SLC39A11: variants seen among roughly 807,000 people sequenced by gnomAD.
SLC39A11 encodes the protein zinc transporter ZIP11.
A neutral mutation model predicts 36.1 loss-of-function variants in SLC39A11; 33 were observed. The observed-to-expected ratio is 0.91, with a 90% CI of 0.69 to 1.22. The LOEUF (loss-of-function observed/expected upper bound fraction) is 1.22. SLC39A11 is among the 50% of genes most tolerant of loss of function. SLC39A11 has a pLI of 0.00. For synonymous variants in SLC39A11, 166 were observed against 170.3 expected (o/e 0.97, Z 0.20); for missense variants, 432 against 430.3 (o/e 1.00, Z -0.03).
intron 4 of SLC39A11, among the ~76,000 whole-genome samples, chr17:73,017,068 C>A (rs867549098): frequency 6.6e-6 from 1 of 152,154 alleles, no homozygotes. Context: ...CTTAAAATGA[C>A]CTTACAAGTT....
chr17:72,803,733 A>T (rs576241304), intron 6 of SLC39A11, among the ~76,000 whole-genome samples: 1 of 152,258 alleles, frequency 6.6e-6, no homozygotes, highest in East Asian at 1.9e-4. Flanking sequence ...CCCCTTGATC[A>T]GTATTCGGCA....
chr17:72,967,733 G>A (rs956309001), intron 4 of SLC39A11, among the ~76,000 whole-genome samples: 8 of 152,092 alleles, frequency 5.3e-5, no homozygotes, highest in African/African-American at 9.7e-5. Context: ...CAAAGCATTC[G>A]CACTGTGCAC....
chr17:72,959,366 T>TATATATATATATATATATATAA (rs2086468543), intron 4 of SLC39A11, among the ~76,000 whole-genome samples: 1 of 136,238 alleles, frequency 7.3e-6, no homozygotes, highest in Non-Finnish European at 1.6e-5. Context: ...TATATATATA[T>TATATATATATATATATATATAA]GATCGAATAC....
chr17:72,899,345 C>T (rs562136044), intron 5 of SLC39A11, among the ~76,000 whole-genome samples: 1 of 152,206 alleles, frequency 6.6e-6, no homozygotes, highest in South Asian at 2.1e-4. Context: ...AGACTGAAGC[C>T]CACTTTAAAT....
chr17:73,062,048 C>T (rs950179330), intron 3 of SLC39A11, among the ~76,000 whole-genome samples: 1 of 151,988 alleles, frequency 6.6e-6, no homozygotes. Context: ...ATACCACAGA[C>T]AAAATGAAAC....
At chr17:72,690,107 G>A (rs562807826) in intron 7 of SLC39A11, among the ~76,000 whole-genome samples, 28 of 152,272 alleles carry the variant, frequency 1.8e-4, no homozygotes, top group African/African-American at 5.3e-4. Context: ...GGAGTGACGC[G>A]CTGGGGCAAG....
intron 7 of SLC39A11, among the ~76,000 whole-genome samples, chr17:72,670,955 T>C (rs968599235): frequency 2.6e-5 from 4 of 152,160 alleles, no homozygotes; most frequent in African/African-American, 9.7e-5. Flanking sequence ...TTCCATGAAA[T>C]ATACGTACAC....
At chr17:72,815,029 C>T (rs1190817086) in intron 6 of SLC39A11, among the ~76,000 whole-genome samples, 2 of 152,192 alleles carry the variant, frequency 1.3e-5, no homozygotes, top group Non-Finnish European at 2.9e-5. Flanking sequence ...AAGGGGCAAA[C>T]CACCCACATC....
chr17:73,051,457 T>C (rs1472892066), intron 3 of SLC39A11, among the ~76,000 whole-genome samples: 2 of 151,776 alleles, frequency 1.3e-5, no homozygotes, highest in East Asian at 2.0e-4. Context: ...TGACTCAGGT[T>C]TGGGGACTGT....
intron 7 of SLC39A11, among the ~76,000 whole-genome samples, chr17:72,729,450 TATATA>T (rs2074119213): frequency 1.7e-4 from 2 of 11,708 alleles, no homozygotes; most frequent in East Asian, 2.9e-3. Flanking sequence ...TATATATATA[TATATA>T]TATTTTTTTT....
intron 6 of SLC39A11, among the ~76,000 whole-genome samples, chr17:72,754,535 A>G (rs1110614): frequency 0.4 from 61,284 of 152,008 alleles, 14,719 homozygotes; most frequent in Non-Finnish European, 0.55. Context: ...ATGAAAGAAG[A>G]GAGGGAAAGA....
intron 3 of SLC39A11, among the ~76,000 whole-genome samples, chr17:73,055,290 T>A (rs2059629352): frequency 6.6e-6 from 1 of 152,086 alleles, no homozygotes; most frequent in African/African-American, 2.4e-5. Context: ...TTGGGCACAT[T>A]AAGGCTCTCA....
chr17:72,937,129 T>C (rs1053421213), intron 5 of SLC39A11, among the ~76,000 whole-genome samples: 1 of 152,200 alleles, frequency 6.6e-6, no homozygotes, highest in African/African-American at 2.4e-5. Context: ...TATTTGCTCA[T>C]CCTCATACCT....
intron 5 of SLC39A11, among the ~76,000 whole-genome samples, chr17:72,905,698 C>T (rs578058783): frequency 6.6e-6 from 1 of 152,158 alleles, no homozygotes; most frequent in African/African-American, 2.4e-5. Context: ...CTCTACCCAA[C>T]ATCTACTGTC....
At chr17:72,682,080 G>A (rs965264909) in intron 7 of SLC39A11, among the ~76,000 whole-genome samples, 2 of 148,522 alleles carry the variant, frequency 1.3e-5, no homozygotes, top group African/African-American at 5.3e-5. Flanking sequence ...AGAGGAGCAC[G>A]AACCCTATCG....
At chr17:72,735,864 A>T (rs1212393987) in intron 7 of SLC39A11, among the ~76,000 whole-genome samples, 2 of 152,180 alleles carry the variant, frequency 1.3e-5, no homozygotes, top group Non-Finnish European at 2.9e-5. Context: ...GTTTATTTCC[A>T]GGCAGGTAGA....
chr17:73,036,344 A>G (rs1424955942), intron 3 of SLC39A11, among the ~76,000 whole-genome samples: 1 of 152,212 alleles, frequency 6.6e-6, no homozygotes, highest in Non-Finnish European at 1.5e-5. Flanking sequence ...TTTCCCCACT[A>G]TCAACATCAC....
At chr17:72,986,596 C>A (rs187948280) in intron 4 of SLC39A11, among the ~76,000 whole-genome samples, 1 of 152,242 alleles carries the variant, frequency 6.6e-6, no homozygotes, top group Non-Finnish European at 1.5e-5. Context: ...GCATCAGCCA[C>A]CTTGACAGCT....
chr17:73,078,170 G>A (rs773879016), intron 3 of SLC39A11, among the ~76,000 whole-genome samples: 2 of 151,400 alleles, frequency 1.3e-5, no homozygotes, highest in African/African-American at 2.4e-5. Context: ...CCCGGGAGGC[G>A]GAGGTTGTAG....
Sources: gnomAD v4.1 joint callset for allele counts (sites outside exome capture counted in the v4.1 genomes callset) on GRCh38, gnomAD v4.1.1 for gene constraint, MANE v1.5 for transcripts, NCBI Gene and HGNC (gene_info 2026-07-23, HGNC 2026-07-21) for gene names.